PRKCA: variants seen among roughly 807,000 people sequenced by gnomAD.
PRKCA encodes the protein protein kinase C alpha type.
In PRKCA, 27 loss-of-function variants were observed where a neutral mutation model predicts 87.0. The observed-to-expected ratio is 0.31, with a 90% confidence interval of 0.23 to 0.43. The LOEUF (loss-of-function observed/expected upper bound fraction) is 0.43. PRKCA is among the 20% of genes least tolerant of loss of function. The pLI is 1.00. For synonymous variants in PRKCA, 329 were observed against 311.1 expected (o/e 1.06, Z -0.61); for missense variants, 518 against 852.3 (o/e 0.61, Z 4.88).
chr17:66,798,434 ACGGTGGTGGTGGTGGTGACGG>A (rs1975735993), intron 16 of PRKCA, among the ~76,000 whole-genome samples: 2 of 19,628 alleles, frequency 1.0e-4, no homozygotes, highest in Non-Finnish European at 1.9e-4. Flanking sequence ...GGTGGTGGTG[ACGGTGGTGGTGGTGGTGACGG>A]TGGTGGTGGT....
chr17:66,635,886 G>T (rs1375865467), intron 3 of PRKCA, among the ~76,000 whole-genome samples: 1 of 152,090 alleles, frequency 6.6e-6, no homozygotes, highest in Non-Finnish European at 1.5e-5. Flanking sequence ...GCTGGATGAA[G>T]GGTATGAAGG....
At chr17:66,522,527 A>G (rs1174947344) in intron 3 of PRKCA, among the ~76,000 whole-genome samples, 2 of 152,140 alleles carry the variant, frequency 1.3e-5, no homozygotes, top group Non-Finnish European at 2.9e-5. Flanking sequence ...GTGATCTCCC[A>G]GAGAGGCTCA....
chr17:66,458,903 TTAAATGC>T (rs1201854901), intron 2 of PRKCA, among the ~76,000 whole-genome samples: 4 of 152,202 alleles, frequency 2.6e-5, no homozygotes, highest in Non-Finnish European at 5.9e-5. Flanking sequence ...GTAACATTTG[TTAAATGC>T]TAACTGTGTG....
At chr17:66,459,309 A>G (rs1261524010) in intron 2 of PRKCA, among the ~76,000 whole-genome samples, 2 of 152,068 alleles carry the variant, frequency 1.3e-5, no homozygotes, top group Non-Finnish European at 2.9e-5. Context: ...TGAGCCTGGG[A>G]AGTTGAGGCT....
Position 66,688,190 on chromosome 17 carries a change from G to A in PRKCA, c.687-112G>A. The A allele has an allele frequency of 2.9e-6, 4 of 1,384,078 alleles. No individual in the cohort carries two copies. The South Asian group carries it at 5.8e-5, about 20-fold the overall frequency. The allele number at this position is 1,384,078 out of a possible 1,614,324, so 85.7% of individuals were successfully genotyped here. On this transcript the variant is annotated intron_variant, in intron 6 of 16. Coordinates refer to ENST00000413366, the MANE Select transcript of PRKCA (RefSeq NM_002737.3). ...AAGGGGTTGGTATTTTACTGGACCA[G>A]GAAGACAAATATACTATTTCTTTAT...
chr17:66,795,179 A>T (rs1975638266), intron 16 of PRKCA, among the ~76,000 whole-genome samples: 1 of 152,202 alleles, frequency 6.6e-6, no homozygotes. Flanking sequence ...TAATTACTCC[A>T]GCAAGCTAGG....
chr17:66,460,654 G>C (rs538974674), intron 2 of PRKCA, among the ~76,000 whole-genome samples: 1 of 152,278 alleles, frequency 6.6e-6, no homozygotes, highest in Non-Finnish European at 1.5e-5. Context: ...TTGCACCTTT[G>C]AATGTTGCTG....
intron 2 of PRKCA, among the ~76,000 whole-genome samples, chr17:66,336,623 A>G (rs74558310): frequency 0.015 from 1,311 of 85,666 alleles, 16 homozygotes; most frequent in African/African-American, 0.04. Context: ...GGAGTAATTT[A>G]AAAGTACCTG....
intron 2 of PRKCA, among the ~76,000 whole-genome samples, chr17:66,454,872 A>T (rs1173598400): frequency 6.6e-6 from 1 of 152,250 alleles, no homozygotes; most frequent in Non-Finnish European, 1.5e-5. Flanking sequence ...AGAAGCTTCT[A>T]CTGGAGATTC....
chr17:66,778,761 A>G (rs1975127686), intron 14 of PRKCA, among the ~76,000 whole-genome samples: 1 of 150,324 alleles, frequency 6.7e-6, no homozygotes, highest in South Asian at 2.1e-4. Context: ...GGATTGATCG[A>G]GCCCGGGGGG....
rs188865788 is a variant in PRKCA at position 66,807,009 on chromosome 17, G to C, written c.*2972G>C. 6.6e-6 allele frequency: 1 copy of C among 152,310 alleles called. No homozygotes were observed. Among genetic ancestry groups the C allele is most frequent in the Non-Finnish European group, 1.5e-5 (1 of 68,094 alleles). The allele number at this position is 152,310 out of a possible 1,614,324, so 9.4% of individuals were successfully genotyped here. A position where few individuals can be genotyped will look rare whatever the true frequency, so the allele number is the denominator to read the frequency against. ...GTTATTGTTGGAAGACTGTCATGTAGATAACCATGAGCAATGGCTCGCCTC... is the reference window on the plus strand; with the variant it reads ...GTTATTGTTGGAAGACTGTCATGTACATAACCATGAGCAATGGCTCGCCTC... On this transcript the variant is annotated 3_prime_UTR_variant, in exon 17 of 17. Coordinates refer to ENST00000413366, the MANE Select transcript of PRKCA (RefSeq NM_002737.3). This position sits in a 1 kb window ranked among gnomAD's most constrained non-coding sequence, Gnocchi z 4.3.
intron 2 of PRKCA, among the ~76,000 whole-genome samples, chr17:66,340,530 T>A (rs908819234): frequency 6.6e-6 from 1 of 152,136 alleles, no homozygotes; most frequent in African/African-American, 2.4e-5. Flanking sequence ...TTCTTTTTTC[T>A]CCAAAAATTA....
At chr17:66,605,070 A>G (rs779851920) in intron 3 of PRKCA, among the ~76,000 whole-genome samples, 1 of 152,160 alleles carries the variant, frequency 6.6e-6, no homozygotes, top group Non-Finnish European at 1.5e-5. Context: ...TTGTCACGTC[A>G]TGGTGGAATT....
In PRKCA at chr17:66,808,309, T is replaced by A. The variant is rs912736126; in HGVS notation, c.*4272T>A. 2 of 137,060 alleles carry A rather than the reference T, an allele frequency of 1.5e-5. No homozygotes were observed. Among genetic ancestry groups the A allele is most frequent in the African/African-American group, 6.0e-5 (2 of 33,476 alleles). 8.5% of individuals were successfully genotyped at this position (137,060 alleles called of 1,614,324 possible). On this transcript the variant is annotated 3_prime_UTR_variant, in exon 17 of 17. Coordinates refer to ENST00000413366, the MANE Select transcript of PRKCA (RefSeq NM_002737.3). ...AGGAGACATTTCGGAGGGTTTTTTT[T>A]GTTTTTGTTCCTGTTTTTTTTTTTT...
chr17:66,761,555 C>T (rs1974685664), intron 13 of PRKCA, among the ~76,000 whole-genome samples: 1 of 151,706 alleles, frequency 6.6e-6, no homozygotes, highest in African/African-American at 2.4e-5. Context: ...CTCCCAGGTT[C>T]AAGCAATTCT....
intron 2 of PRKCA, among the ~76,000 whole-genome samples, chr17:66,364,862 A>C (rs1908608022): frequency 6.6e-6 from 1 of 152,044 alleles, no homozygotes; most frequent in Non-Finnish European, 1.5e-5. Context: ...TTTTGATGTG[A>C]TTTTTTTCTT....
intron 8 of PRKCA, among the ~76,000 whole-genome samples, chr17:66,718,606 T>C (rs1973534859): frequency 6.6e-6 from 1 of 152,214 alleles, no homozygotes; most frequent in African/African-American, 2.4e-5. Flanking sequence ...GGCATCAGCC[T>C]GGGATCACAC....
intron 2 of PRKCA, among the ~76,000 whole-genome samples, chr17:66,463,780 C>T (rs753626459): frequency 6.6e-6 from 1 of 152,182 alleles, no homozygotes; most frequent in Non-Finnish European, 1.5e-5. Context: ...AGAGATTTCC[C>T]ATGTACCTCA....
At chr17:66,514,489 A>T (rs534310156) in intron 3 of PRKCA, among the ~76,000 whole-genome samples, 9 of 152,148 alleles carry the variant, frequency 5.9e-5, no homozygotes, top group African/African-American at 1.9e-4. Flanking sequence ...AAACCTGACT[A>T]AGCAGCGACT....
Sources: allele counts gnomAD v4.1 joint callset (sites outside exome capture counted in the v4.1 genomes callset), GRCh38; gene constraint gnomAD v4.1.1; non-coding constraint Gnocchi (gnomAD v3.1); transcripts MANE v1.5; gene names NCBI Gene and HGNC (gene_info 2026-07-23, HGNC 2026-07-21).